The following COBLL1 variants were observed in gnomAD, a reference collection of about 807,000 sequenced individuals.
COBLL1 encodes cordon-bleu protein-like 1.
A neutral mutation model predicts 94.8 loss-of-function variants in COBLL1; 50 were observed. That is an observed-to-expected ratio of 0.53 (90% CI 0.42 to 0.67). COBLL1 has a LOEUF of 0.67. Ranked by LOEUF, COBLL1 falls within the 30% of genes least tolerant of loss-of-function variation. The probability of loss-of-function intolerance (pLI) is 0.00; values close to 1 mark genes in which losing one functional copy is unlikely to be tolerated. For synonymous variants in COBLL1, 448 were observed against 473.8 expected (o/e 0.95, Z 0.71); for missense variants, 1,362 against 1,348.7 (o/e 1.01, Z -0.15).
At chr2:164,838,046 G>A (rs1683406204) in intron 2 of COBLL1, among the ~76,000 whole-genome samples, 2 of 152,084 alleles carry the variant, frequency 1.3e-5, no homozygotes, top group South Asian at 2.1e-4. Flanking sequence ...AATCTAGAAT[G>A]GTAAGGGATT....
chr2:164,713,527 G>T (rs1685014375), intron 7 of COBLL1, among the ~76,000 whole-genome samples: 1 of 152,150 alleles, frequency 6.6e-6, no homozygotes, highest in South Asian at 2.1e-4. Context: ...TACCTTTTTG[G>T]TTAATAAAAT....
chr2:164,721,319 T>G (rs1685431681), intron 7 of COBLL1, among the ~76,000 whole-genome samples: 1 of 152,170 alleles, frequency 6.6e-6, no homozygotes, highest in Non-Finnish European at 1.5e-5. Flanking sequence ...ATATATACAG[T>G]CTCATCTTCA....
chr2:164,716,049 C>A (rs1267934893), intron 7 of COBLL1, among the ~76,000 whole-genome samples: 1 of 152,124 alleles, frequency 6.6e-6, no homozygotes, highest in African/African-American at 2.4e-5. Context: ...AATGTAAAAT[C>A]AGCTTATGAG....
chr2:164,772,754 C>A (rs1175903791), intron 2 of COBLL1, among the ~76,000 whole-genome samples: 1 of 152,094 alleles, frequency 6.6e-6, no homozygotes, highest in Non-Finnish European at 1.5e-5. Flanking sequence ...CTAATTCTCA[C>A]ATTCATCTAA....
chr2:164,750,770 G>T (rs73968244), intron 2 of COBLL1, among the ~76,000 whole-genome samples: 6,506 of 152,180 alleles, frequency 0.043, 147 homozygotes, highest in East Asian at 0.07. Flanking sequence ...CTAGCCTGGT[G>T]GTTCTCAAAG....
chr2:164,753,703 A>C (rs1196892155), intron 2 of COBLL1, among the ~76,000 whole-genome samples: 3 of 151,390 alleles, frequency 2.0e-5, no homozygotes, highest in Non-Finnish European at 4.4e-5. Context: ...TTACTGGAAA[A>C]TGTTTAAGTA....
intron 2 of COBLL1, among the ~76,000 whole-genome samples, chr2:164,798,947 G>C (rs995907079): frequency 8.3e-5 from 12 of 144,016 alleles, no homozygotes; most frequent in Non-Finnish European, 1.8e-4. Context: ...GTGAACCCGG[G>C]AGGCAGAGCT....
intron 2 of COBLL1, among the ~76,000 whole-genome samples, chr2:164,664,957 G>A (rs920801064): frequency 6.6e-6 from 1 of 152,100 alleles, no homozygotes; most frequent in Non-Finnish European, 1.5e-5. Context: ...ACACAAAACA[G>A]GGTGAAAGAA....
At chr2:164,782,943 T>TA (rs1156670137) in intron 2 of COBLL1, among the ~76,000 whole-genome samples, 30 of 152,238 alleles carry the variant, frequency 2.0e-4, no homozygotes, top group Admixed American at 2.0e-3. Flanking sequence ...TAAAATGTTA[T>TA]AACTTCAATA....
chr2:164,696,984 C>A (rs1215330888), intron 11 of COBLL1: 2 of 151,972 alleles, frequency 1.3e-5, no homozygotes, highest in African/African-American at 4.8e-5. Context: ...TATCATTACC[C>A]ACTATTACCT....
chr2:164,779,836 G>A (rs911981540), intron 2 of COBLL1: 15 of 440,068 alleles, frequency 3.4e-5, no homozygotes, highest in Admixed American at 7.6e-5. Context: ...AATTTAGACC[G>A]AACATTAAAG....
At chr2:164,813,078 A>G (rs1439225957) in intron 2 of COBLL1, among the ~76,000 whole-genome samples, 1 of 152,086 alleles carries the variant, frequency 6.6e-6, no homozygotes, top group Non-Finnish European at 1.5e-5. Context: ...AACTTTTCTA[A>G]AATTAGATTT....
In COBLL1 at chr2:164,809,014, C is replaced by T. The variant is rs538254784; in HGVS notation, c.41+32142G>A. 5.3e-5 allele frequency among the ~76,000 whole-genome samples: 8 copies of T among 152,242 alleles called. 1 individual carries two copies. In the South Asian group the frequency reaches 1.7e-3, roughly 32 times the overall value. ...CAGCACTAGAGCAACACTTGGAATT[C>T]ATTAATCACCAGACTGTCATCCTCA... On this transcript the variant is annotated intron_variant, in intron 2 of 13. Transcript: ENST00000652658.
At chr2:164,838,177 G>T (rs1358956050) in intron 2 of COBLL1, among the ~76,000 whole-genome samples, 3 of 152,158 alleles carry the variant, frequency 2.0e-5, no homozygotes, top group Non-Finnish European at 4.4e-5. Context: ...GCACACCATT[G>T]CTTCCACTGA....
intron 2 of COBLL1, among the ~76,000 whole-genome samples, chr2:164,780,782 G>T (rs1306456662): frequency 1.3e-5 from 2 of 152,298 alleles, no homozygotes; most frequent in East Asian, 3.9e-4. Flanking sequence ...GGGCTAAGTG[G>T]AAATCCACAA....
chr2:164,722,385 T>G (rs1446373212), intron 6 of COBLL1, 40 bp downstream of exon 6: 7 of 1,500,868 alleles, frequency 4.7e-6, no homozygotes, highest in African/African-American at 1.4e-5. Context: ...TTAAAAATAA[T>G]TGAAGAATCT....
At chr2:164,837,305 C>T (rs1683360974) in intron 2 of COBLL1, 2 of 280,032 alleles carry the variant, frequency 7.1e-6, no homozygotes, top group Admixed American at 5.1e-5. Flanking sequence ...AAGATAAGCA[C>T]CCAAGTTGAT....
In COBLL1 at chr2:164,694,809, C is replaced by T; in HGVS notation, c.2583G>A (p.Gln861=). The T allele has an allele frequency of 6.2e-7, 1 of 1,613,862 alleles. No individual in the cohort carries two copies. The highest frequency in any genetic ancestry group is 1.3e-5 in the African/African-American group (1 of 75,010). Residue 861 remains glutamine, a synonymous_variant, in exon 12 of 14, where the codon CAG becomes CAA. Coordinates refer to ENST00000652658, the MANE Select transcript of COBLL1 (RefSeq NM_001365672.2). ...SKFKSRASNA[Q]AKPSSFFLQM... is the part of the protein sequence containing the mutation. ...GCAAAAAAAAAGAGCTGGGTTTGGC[C>T]TGGGCATTTGAAGCCCGAGATTTAA...
chr2:164,697,082 T>C (rs1453698915), intron 11 of COBLL1: 4 of 152,148 alleles, frequency 2.6e-5, no homozygotes, highest in Non-Finnish European at 1.5e-5. Flanking sequence ...AAAAAAGATA[T>C]GCATGCAGAA....
Sources: gnomAD v4.1 joint callset for allele counts (sites outside exome capture counted in the v4.1 genomes callset) on GRCh38, gnomAD v4.1.1 for gene constraint, MANE v1.5 for transcripts, NCBI Gene and HGNC (gene_info 2026-07-23, HGNC 2026-07-21) for gene names.